KLHL36: variants seen among roughly 807,000 people sequenced by gnomAD.
KLHL36 encodes kelch-like protein 36.
KLHL36 carries 35 observed loss-of-function variants against 53.3 expected under a neutral mutation model. The ratio of observed to expected loss-of-function variants is 0.66; its 90% CI spans 0.50 to 0.87. KLHL36 has a LOEUF of 0.87. Among genes scored for constraint, KLHL36 ranks in the 40% least tolerant of loss-of-function variants. The probability of loss-of-function intolerance (pLI) is 0.00; values close to 1 mark genes in which losing one functional copy is unlikely to be tolerated. For synonymous variants in KLHL36, 472 were observed against 398.9 expected (o/e 1.18, Z -2.18); for missense variants, 864 against 897.6 (o/e 0.96, Z 0.48).
Position 84,657,080 on chromosome 16 carries a change from C to T in KLHL36, c.273C>T (p.Gly91=), listed in dbSNP as rs772991108. The change falls in exon 3 of 5, where the codon GGC becomes GGT. Residue 91 remains glycine, a synonymous_variant. Coordinates refer to ENST00000564996, the MANE Select transcript of KLHL36 (RefSeq NM_024731.4). ...EAFQKEVELI[G]ASYIGLKAVV... is the part of the protein sequence containing the mutation. ...TCCAGAAGGAGGTGGAGCTGATCGG[C>T]GCCTCCTACATTGGGCTCAAGGCCG... The T allele has an allele frequency of 9.3e-6, 15 of 1,614,042 alleles. No homozygotes were observed. Among genetic ancestry groups the T allele is most frequent in the African/African-American group, 2.7e-5 (2 of 74,930 alleles).
chr16:84,657,276 A>G lies in KLHL36; in HGVS notation c.469A>G (p.Ile157Val). 2 of 1,614,122 alleles carry G rather than the reference A, an allele frequency of 1.2e-6. No individual in the cohort carries two copies. The highest frequency in any genetic ancestry group is 1.7e-6 in the Non-Finnish European group (2 of 1,180,034). ...NYLYLQELASIYSLKRLDAFI... is the reference protein window; with the variant it reads ...NYLYLQELASVYSLKRLDAFI... ...CCTGTACCTGCAGGAGCTGGCCTCC[A>G]TCTACAGCCTCAAGCGGCTTGATGC... The change falls in exon 3 of 5, where the codon ATC becomes GTC. Residue 157 changes from isoleucine to valine, a missense_variant. Coordinates refer to ENST00000564996, the MANE Select transcript of KLHL36 (RefSeq NM_024731.4).
intron 2 of KLHL36, among the ~76,000 whole-genome samples, chr16:84,654,724 C>T (rs1022434019): frequency 2.0e-5 from 3 of 152,156 alleles, no homozygotes; most frequent in Non-Finnish European, 4.4e-5. Context: ...GATTCTCCTG[C>T]GTCAGCCTCC....
At chr16:84,649,853 GA>G (rs3840849) in intron 1 of KLHL36, among the ~76,000 whole-genome samples, 8,888 of 152,184 alleles carry the variant, frequency 0.058, 297 homozygotes, top group Middle Eastern at 0.11. Context: ...AATAGCGGGG[GA>G]AAAAAATCCT....
Position 84,657,380 on chromosome 16 carries a change from G to T in KLHL36, c.573G>T (p.Gln191His). ...ACTTCCTGCAGAACGTCTCCATGCAGAAGCTGTGTGTCTACCTGAGCAGCA... is the reference window on the plus strand; with the variant it reads ...ACTTCCTGCAGAACGTCTCCATGCATAAGCTGTGTGTCTACCTGAGCAGCA... The part of the protein sequence containing the change: ...TPDFLQNVSM[Q>H]KLCVYLSSSE... The change falls in exon 3 of 5, where the codon CAG becomes CAT. Residue 191 changes from glutamine (Q) to histidine (H), a missense_variant. Coordinates refer to ENST00000564996, the MANE Select transcript of KLHL36 (RefSeq NM_024731.4). 6.2e-7 allele frequency: 1 copy of T among 1,609,958 alleles called. No individual in the cohort carries two copies.
intron 2 of KLHL36, among the ~76,000 whole-genome samples, chr16:84,654,696 C>T (rs1288720523): frequency 1.3e-5 from 2 of 152,156 alleles, no homozygotes; most frequent in Non-Finnish European, 2.9e-5. Context: ...CTGCAACCTC[C>T]GCCTCCGGAG....
intron 2 of KLHL36, among the ~76,000 whole-genome samples, chr16:84,654,178 A>G (rs956683333): frequency 2.0e-5 from 3 of 152,190 alleles, no homozygotes; most frequent in Admixed American, 1.3e-4. Flanking sequence ...GGAGACAGCC[A>G]GGGTCCCCGG....
chr16:84,656,493 C>G (rs1204130761), intron 2 of KLHL36, among the ~76,000 whole-genome samples: 1 of 151,492 alleles, frequency 6.6e-6, no homozygotes, highest in East Asian at 2.0e-4. Flanking sequence ...TGCTCTCAAA[C>G]TCCAGTAGCC....
chr16:84,662,384 C>A lies in KLHL36; in HGVS notation c.*251C>A. ...CTTGTATCTTCACAGGTCTTTGCCCCGTGTTATGATTCCTCATGGGTCCTT... is the reference window on the plus strand; with the variant it reads ...CTTGTATCTTCACAGGTCTTTGCCCAGTGTTATGATTCCTCATGGGTCCTT... On this transcript the variant is annotated 3_prime_UTR_variant, in exon 5 of 5. Coordinates refer to ENST00000564996, the MANE Select transcript of KLHL36 (RefSeq NM_024731.4). 2.7e-6 allele frequency: 1 copy of A among 371,660 alleles called. No individual in the cohort carries two copies. Among genetic ancestry groups the A allele is most frequent in the African/African-American group, 2.0e-5 (1 of 49,772 alleles). 23.0% of individuals were successfully genotyped at this position (371,660 alleles called of 1,614,324 possible).
chr16:84,649,126 G>C (rs1399861395), intron 1 of KLHL36: 1 of 152,338 alleles, frequency 6.6e-6, no homozygotes, highest in Non-Finnish European at 1.5e-5. Flanking sequence ...CGGGGCCTGC[G>C]GTCCCATGTT....
chr16:84,665,799 G>T lies in KLHL36; in HGVS notation c.*3666G>T, dbSNP rs555741570. 1 of 152,470 alleles carries T rather than the reference G, an allele frequency of 6.6e-6. No individual in the cohort carries two copies. The highest frequency in any genetic ancestry group is 1.9e-4 in the East Asian group (1 of 5,190). The allele number at this position is 152,470 out of a possible 1,614,324, so 9.4% of individuals were successfully genotyped here. A position where few individuals can be genotyped will look rare whatever the true frequency, so the allele number is the denominator to read the frequency against. On this transcript the variant is annotated 3_prime_UTR_variant, in exon 5 of 5. Coordinates refer to ENST00000564996, the MANE Select transcript of KLHL36 (RefSeq NM_024731.4). ...TGGTTCAGTGTACCTCGGCCCCTAA[G>T]CCAAGTGATCGTTCAGTGACTTGCA...
At chr16:84,656,610 C>T (rs1392129903) in intron 2 of KLHL36, among the ~76,000 whole-genome samples, 10 of 131,854 alleles carry the variant, frequency 7.6e-5, no homozygotes, top group East Asian at 2.3e-4. Flanking sequence ...CCAGCCTGGG[C>T]GACAGAGCAA....
In KLHL36 at chr16:84,661,464, T is replaced by C. The variant is rs527288862; in HGVS notation, c.1296-114T>C. The C allele has an allele frequency of 5.3e-4, 562 of 1,058,396 alleles. 6 individuals are homozygous for C. In the Middle Eastern group the frequency reaches 5.4e-3, roughly 10 times the overall value. The allele number at this position is 1,058,396 out of a possible 1,614,324, so 65.6% of individuals were successfully genotyped here. On this transcript the variant is annotated intron_variant, in intron 4 of 4. Coordinates refer to ENST00000564996, the MANE Select transcript of KLHL36 (RefSeq NM_024731.4). The surrounding 1 kb of genome is among the most constrained non-coding windows in gnomAD (Gnocchi z 7.9). ...GAGTGTTCATGGGGTGCCCACTCCC[T>C]ATATTCTTAAATCCTCATGGCCCTC... is the stretch of plus-strand genomic sequence containing the variant.
intron 4 of KLHL36, among the ~76,000 whole-genome samples, chr16:84,660,796 A>G (rs1907501337): frequency 6.6e-6 from 1 of 151,954 alleles, no homozygotes; most frequent in Admixed American, 6.6e-5. Context: ...TAAGTTTTGT[A>G]TTTTTGGTAG....
At chr16:84,651,008 C>A (rs1906842893) in intron 2 of KLHL36, 78 bp downstream of exon 2, 1 of 1,235,082 alleles carries the variant, frequency 8.1e-7, no homozygotes, top group Non-Finnish European at 1.2e-6. Context: ...CATTTCTAAT[C>A]ACAGACTGAT....
chr16:84,656,973 C>A lies in KLHL36; in HGVS notation c.166C>A (p.Arg56Ser). ...CGTCGTCCTGGTGGCCGATGAGCAGCGTGTGCCAGCCCATCGCAACCTGCT... is the reference window on the plus strand; with the variant it reads ...CGTCGTCCTGGTGGCCGATGAGCAGAGTGTGCCAGCCCATCGCAACCTGCT... Reference protein sequence around the residue: ...CDVVLVADEQRVPAHRNLLAV... With the variant: ...CDVVLVADEQSVPAHRNLLAV... Residue 56 changes from arginine (R) to serine (S), a missense_variant, in exon 3 of 5, where the codon CGT (arginine) becomes AGT (serine). Physicochemically the swap from Arg to Ser is moderately radical, Grantham distance 110 (BLOSUM62 -1). Transcript: ENST00000564996. The A allele has an allele frequency of 6.2e-7, 1 of 1,613,946 alleles. No homozygotes were observed. Among genetic ancestry groups the A allele is most frequent in the Non-Finnish European group, 8.5e-7 (1 of 1,180,040 alleles).
In KLHL36 at chr16:84,661,828, G is replaced by A. The variant is rs144604050; in HGVS notation, c.1546G>A (p.Val516Met). Residue 516 changes from valine (V) to methionine (M), a missense_variant, in exon 5 of 5, where the codon GTG becomes ATG. By Grantham distance (21) the Val-to-Met change is conservative. Coordinates refer to ENST00000564996, the MANE Select transcript of KLHL36 (RefSeq NM_024731.4). This position sits in a 1 kb window ranked among gnomAD's most constrained non-coding sequence, Gnocchi z 7.9. The part of the protein sequence containing the change: ...ESMERFDVLG[V>M]EAYSPQCNQW... ...CATGGAGCGCTTCGACGTGCTGGGC[G>A]TGGAGGCCTACAGCCCGCAGTGCAA... The A allele has an allele frequency of 1.4e-5, 22 of 1,608,096 alleles. No individual in the cohort carries two copies. Among genetic ancestry groups the A allele is most frequent in the African/African-American group, 4.0e-5 (3 of 74,800 alleles).
Position 84,657,536 on chromosome 16 carries a change from C to G in KLHL36, c.729C>G (p.Asn243Lys). 1.2e-6 allele frequency: 2 copies of G among 1,610,206 alleles called. No individual in the cohort carries two copies. Among genetic ancestry groups the G allele is most frequent in the East Asian group, 2.2e-5 (1 of 44,860 alleles). Residue 243 changes from asparagine (N) to lysine (K), a missense_variant, in exon 3 of 5, where the codon AAC (asparagine) becomes AAG (lysine). Asn to Lys is a moderately conservative substitution (Grantham distance 94). Coordinates refer to ENST00000564996, the MANE Select transcript of KLHL36 (RefSeq NM_024731.4). The part of the protein sequence containing the change: ...ENIHFPLIPK[N>K]DLLHRVKPAV... ...TCCACTTCCCGCTCATCCCCAAGAA[C>G]GACCTGCTGCACCGCGTCAAGCCGG...
Position 84,662,280 on chromosome 16 carries a change from A to G in KLHL36, c.*147A>G, listed in dbSNP as rs965191916. The G allele has an allele frequency of 4.1e-6, 3 of 734,462 alleles. No homozygotes were observed. Among genetic ancestry groups the G allele is most frequent in the Non-Finnish European group, 6.5e-6 (3 of 464,218 alleles). 45.5% of individuals were successfully genotyped at this position (734,462 alleles called of 1,614,324 possible). On this transcript the variant is annotated 3_prime_UTR_variant, in exon 5 of 5. Coordinates refer to ENST00000564996, the MANE Select transcript of KLHL36 (RefSeq NM_024731.4). The stretch of plus-strand genomic sequence containing the variant: ...ATTCTTGGTATTTCTATGATATCAC[A>G]GTAACCAATTAAATACTATCTGTAA...
At chr16:84,660,776 C>A (rs1907500536) in intron 4 of KLHL36, among the ~76,000 whole-genome samples, 1 of 152,168 alleles carries the variant, frequency 6.6e-6, no homozygotes, top group African/African-American at 2.4e-5. Context: ...CGCCTGCCAC[C>A]ACACCCAGCT....
Sources: gnomAD v4.1 joint callset for allele counts (sites outside exome capture counted in the v4.1 genomes callset) on GRCh38, gnomAD v4.1.1 for gene constraint, Gnocchi (gnomAD v3.1) non-coding constraint, MANE v1.5 for transcripts, NCBI Gene and HGNC (gene_info 2026-07-23, HGNC 2026-07-21) for gene names.